ITPR1: variants seen among roughly 807,000 people sequenced by gnomAD.
ITPR1 encodes the protein inositol 1,4,5-trisphosphate receptor type 1.
In ITPR1, 96 loss-of-function variants were observed where a neutral mutation model predicts 318.4. The ratio of observed to expected loss-of-function variants is 0.30; its 90% CI spans 0.26 to 0.36. The LOEUF (loss-of-function observed/expected upper bound fraction) is 0.36. Among genes scored for constraint, ITPR1 ranks in the 10% least tolerant of loss-of-function variants. ITPR1 has a pLI of 1.00. For missense variants in ITPR1, 2,440 were observed against 3,460.2 expected (o/e 0.71, Z 7.40); for synonymous variants, 1,312 against 1,289.9 (o/e 1.02, Z -0.37).
At chr3:4,645,786 G>GCTCTCT (rs5846330) in intron 10 of ITPR1, 58 bp downstream of exon 10, 4 of 965,002 alleles carry the variant, frequency 4.1e-6, no homozygotes, top group South Asian at 1.6e-5. Context: ...CTGTATATAG[G>GCTCTCT]CTCTCTCTCT....
chr3:4,578,726 T>A (rs775719278), intron 4 of ITPR1, among the ~76,000 whole-genome samples: 4 of 152,226 alleles, frequency 2.6e-5, no homozygotes, highest in Non-Finnish European at 5.9e-5. Flanking sequence ...ATTGCCATAC[T>A]GAGTTTCCAA....
At chr3:4,672,237 G>A (rs1427546616) in intron 20 of ITPR1, among the ~76,000 whole-genome samples, 1 of 152,204 alleles carries the variant, frequency 6.6e-6, no homozygotes, top group African/African-American at 2.4e-5. Context: ...TAAATTGGAT[G>A]TGTCAGTGTA....
At chr3:4,507,471 G>GA (rs1333745350) in intron 2 of ITPR1, among the ~76,000 whole-genome samples, 1 of 151,976 alleles carries the variant, frequency 6.6e-6, no homozygotes, top group African/African-American at 2.4e-5. Context: ...TTTCTGTTCA[G>GA]AAAAAAATGC....
At chr3:4,814,399 T>C in intron 57 of ITPR1, 24 bp from the exon 58 acceptor site, 4 of 1,613,722 alleles carry the variant, frequency 2.5e-6, no homozygotes, top group East Asian at 2.2e-5. Flanking sequence ...GTTTTCTCTC[T>C]GTTGTTACTT....
chr3:4,802,662 TA>T (rs200444849), intron 54 of ITPR1, among the ~76,000 whole-genome samples: 3 of 150,218 alleles, frequency 2.0e-5, no homozygotes, highest in African/African-American at 4.9e-5. Flanking sequence ...CCCTCTCTAC[TA>T]AAAAAAAATA....
intron 37 of ITPR1, among the ~76,000 whole-genome samples, chr3:4,707,095 C>G (rs965058855): frequency 6.6e-6 from 1 of 152,210 alleles, no homozygotes; most frequent in Non-Finnish European, 1.5e-5. Context: ...GGGAAAGTTA[C>G]TTGACTTCTC....
Position 4,768,672 on chromosome 3 carries a change from G to A in ITPR1, c.5887G>A (p.Asp1963Asn). The stretch of plus-strand genomic sequence containing the variant: ...CCAGGCCACTGCCGACAAGGCCAAG[G>A]ACGACCTGGAGATGAGCGCGGTCAT... ...GTQATADKAK[D>N]DLEMSAVITI... The change falls in exon 46 of 62, where the codon GAC (aspartate) becomes AAC (asparagine). Residue 1963 changes from aspartate to asparagine, a missense_variant. By Grantham distance (23) the Asp-to-Asn change is conservative. Coordinates refer to ENST00000649015, the MANE Select transcript of ITPR1 (RefSeq NM_001378452.1). The A allele has an allele frequency of 1.9e-6, 3 of 1,613,956 alleles. No homozygotes were observed. Among genetic ancestry groups the A allele is most frequent in the Non-Finnish European group, 2.5e-6 (3 of 1,179,898 alleles).
At chr3:4,581,960 T>A (rs950410731) in intron 4 of ITPR1, among the ~76,000 whole-genome samples, 15 of 151,644 alleles carry the variant, frequency 9.9e-5, no homozygotes, top group East Asian at 1.9e-4. Context: ...TTTTTTTTTT[T>A]AAAAAGGAAA....
At chr3:4,638,701 C>T (rs987707912) in intron 5 of ITPR1, among the ~76,000 whole-genome samples, 1 of 152,172 alleles carries the variant, frequency 6.6e-6, no homozygotes, top group African/African-American at 2.4e-5. Context: ...ATCTAACTAG[C>T]TATGCAAGGG....
At chr3:4,641,450 C>T (rs2093336690) in intron 6 of ITPR1, among the ~76,000 whole-genome samples, 2 of 152,202 alleles carry the variant, frequency 1.3e-5, no homozygotes, top group African/African-American at 2.4e-5. Context: ...GATTTCGGCT[C>T]ACTGTAGCCT....
chr3:4,744,164 CAG>C lies in ITPR1; in HGVS notation c.5544+8816_5544+8817del, dbSNP rs376826540. 7.7e-4 allele frequency among the ~76,000 whole-genome samples: 118 copies of C among 152,312 alleles called. No homozygotes were observed. The East Asian group carries it at 0.013, about 17-fold the overall frequency. ...ATTTGTTTCTAAGAGGAGATGTCTT[CAG>C]AGAGAACCTCAGGTTTTCCACAGTC... is the stretch of plus-strand genomic sequence containing the variant. On this transcript the variant is annotated intron_variant, in intron 44 of 61. Transcript: ENST00000649015.
intron 4 of ITPR1, among the ~76,000 whole-genome samples, chr3:4,574,193 C>T (rs898883199): frequency 1.1e-4 from 16 of 150,934 alleles, no homozygotes; most frequent in Admixed American, 2.0e-4. Context: ...GTATAGATGC[C>T]TTATCTTCTT....
intron 4 of ITPR1, among the ~76,000 whole-genome samples, chr3:4,609,011 A>C (rs60975305): frequency 1.7e-3 from 208 of 124,210 alleles, no homozygotes; most frequent in African/African-American, 2.7e-3. Context: ...TAAAAAAAAA[A>C]AAAAAAAAAA....
Position 4,782,587 on chromosome 3 carries a change from C to T in ITPR1, c.6388-32C>T, listed in dbSNP as rs1384379853. 5 of 1,582,546 alleles carry T rather than the reference C, an allele frequency of 3.2e-6. No homozygotes were observed. The Middle Eastern group carries it at 8.5e-4, about 268-fold the overall frequency. ...AGTCCTGTGTGGGTCTTCCTTGAAA[C>T]AGGATTTTTGTTCCCTTGGCTCTTC... On this transcript the variant is annotated intron_variant, in intron 49 of 61. Coordinates refer to ENST00000649015, the MANE Select transcript of ITPR1 (RefSeq NM_001378452.1).
At chr3:4,712,012 T>A in intron 39 of ITPR1, 144 bp downstream of exon 39, 1 of 524,998 alleles carries the variant, frequency 1.9e-6, no homozygotes, top group Non-Finnish European at 3.4e-6. Context: ...GAAAAAGCTG[T>A]TTATCCTGCC....
At position 4,831,112 on chromosome 3, in the gene ITPR1, CT is replaced by C. The variant is rs1156249859; in HGVS notation, c.8029-5661del. ...CCTCCGTCTGTCTGTCTTTGTCTCT[CT>C]CTCTCTCTCTCTCTCTCTCACACAC... On this transcript the variant is annotated intron_variant, in intron 60 of 61. Coordinates refer to ENST00000649015, the MANE Select transcript of ITPR1 (RefSeq NM_001378452.1). 3 of 218,676 alleles carry C rather than the reference CT, an allele frequency of 1.4e-5. No individual in the cohort carries two copies. The Admixed American group carries it at 1.5e-4, about 11-fold the overall frequency. The allele number at this position is 218,676 out of a possible 1,614,324, so 13.5% of individuals were successfully genotyped here. A position where few individuals can be genotyped will look rare whatever the true frequency, so the allele number is the denominator to read the frequency against.
At chr3:4,717,346 C>G in intron 39 of ITPR1, 21 bp from the exon 40 acceptor site, 1 of 1,578,872 alleles carries the variant, frequency 6.3e-7, no homozygotes, top group Non-Finnish European at 8.6e-7. Context: ...TTCTCTCTCT[C>G]TCCCCTTTTT....
At chr3:4,712,568 A>G (rs535297083) in intron 39 of ITPR1, among the ~76,000 whole-genome samples, 2 of 152,380 alleles carry the variant, frequency 1.3e-5, no homozygotes, top group South Asian at 4.1e-4. Context: ...AGCTAGCTAC[A>G]TTTAGCAACA....
intron 5 of ITPR1, among the ~76,000 whole-genome samples, chr3:4,638,394 T>C (rs964935648): frequency 2.2e-4 from 34 of 152,232 alleles, no homozygotes; most frequent in African/African-American, 7.7e-4. Flanking sequence ...TTTACCATTA[T>C]TGTAGTGTGG....
Sources: gnomAD v4.1 joint callset for allele counts (sites outside exome capture counted in the v4.1 genomes callset) on GRCh38, gnomAD v4.1.1 for gene constraint, MANE v1.5 for transcripts, NCBI Gene and HGNC (gene_info 2026-07-23, HGNC 2026-07-21) for gene names.